GLRA3: variants seen among roughly 807,000 people sequenced by gnomAD.
The protein encoded by GLRA3 is glycine receptor alpha 3.
GLRA3 carries 44 observed loss-of-function variants against 60.4 expected under a neutral mutation model. That is an observed-to-expected ratio of 0.73 (90% CI 0.57 to 0.94). GLRA3 has a LOEUF of 0.94. GLRA3 is among the 40% of genes least tolerant of loss of function. The pLI, the probability that GLRA3 is intolerant of heterozygous loss-of-function variation, is 0.00. For synonymous variants in GLRA3, 223 were observed against 192.9 expected (o/e 1.16, Z -1.29); for missense variants, 508 against 564.6 (o/e 0.90, Z 1.02).
intron 3 of GLRA3, among the ~76,000 whole-genome samples, chr4:174,762,660 G>T (rs1297583800): frequency 6.6e-6 from 1 of 152,104 alleles, no homozygotes; most frequent in Non-Finnish European, 1.5e-5. Flanking sequence ...AAATAGATAT[G>T]CTCTGCCTGA....
In GLRA3 at chr4:174,788,841, A is replaced by G; in HGVS notation, c.174T>C (p.Asp58=). ...DKLMGRTSGY[D]ARIRPNFKGP... ...CTTTAAAATTGGGTCTGATTCTTGC[A>G]TCATATCCTGATGTCCTGCCCATTA... The change falls in exon 2 of 10, where the codon GAT becomes GAC. Residue 58 remains aspartate (D), a synonymous_variant. Transcript: ENST00000274093. 1 of 1,607,738 alleles carries G rather than the reference A, an allele frequency of 6.2e-7. No individual in the cohort carries two copies. The highest frequency in any genetic ancestry group is 2.2e-5 in the East Asian group (1 of 44,642).
intron 1 of GLRA3, among the ~76,000 whole-genome samples, chr4:174,801,759 G>T (rs1380586067): frequency 1.3e-5 from 2 of 151,876 alleles, no homozygotes; most frequent in Non-Finnish European, 2.9e-5. Flanking sequence ...CTTTCATTAT[G>T]ATCCAGATTT....
intron 1 of GLRA3, among the ~76,000 whole-genome samples, chr4:174,811,297 C>A (rs906560713): frequency 6.7e-6 from 1 of 150,276 alleles, no homozygotes; most frequent in Non-Finnish European, 1.5e-5. Flanking sequence ...CCAATAAAAT[C>A]AAAATTTGGA....
At chr4:174,722,927 C>T (rs1005442222) in intron 4 of GLRA3, 1 of 167,140 alleles carries the variant, frequency 6.0e-6, no homozygotes, top group African/African-American at 2.4e-5. Context: ...ATTGTGCAAG[C>T]CAGGATATAG....
intron 1 of GLRA3, among the ~76,000 whole-genome samples, chr4:174,804,413 C>T (rs1739949530): frequency 6.6e-6 from 1 of 152,026 alleles, no homozygotes; most frequent in Middle Eastern, 3.2e-3. Flanking sequence ...TCTTCATAGC[C>T]CCATTAAGAG....
At chr4:174,723,097 A>G (rs1267835682) in intron 4 of GLRA3, 1 of 166,926 alleles carries the variant, frequency 6.0e-6, no homozygotes, top group Non-Finnish European at 1.5e-5. Context: ...ACAAAATTCC[A>G]GTTTTATTCC....
At chr4:174,702,479 T>C (rs1237858625) in intron 5 of GLRA3, among the ~76,000 whole-genome samples, 1 of 152,152 alleles carries the variant, frequency 6.6e-6, no homozygotes, top group Non-Finnish European at 1.5e-5. Context: ...ATCCCTATAT[T>C]CAAATATATT....
chr4:174,687,407 T>C lies in GLRA3; in HGVS notation c.575-4468A>G, dbSNP rs1174334565. On this transcript the variant is annotated intron_variant, in intron 5 of 9. Coordinates refer to ENST00000274093, the MANE Select transcript of GLRA3 (RefSeq NM_006529.4). ...CTGCACAAAATACTCAGCTGCAGGC[T>C]GTAATATGATTCTTTCAAGGAAAAT... 2.0e-5 allele frequency among the ~76,000 whole-genome samples: 3 copies of C among 152,170 alleles called. No homozygotes were observed. In the South Asian group the frequency reaches 6.2e-4, roughly 31 times the overall value.
chr4:174,699,828 T>C (rs975239178), intron 5 of GLRA3, among the ~76,000 whole-genome samples: 6 of 150,376 alleles, frequency 4.0e-5, no homozygotes, highest in Non-Finnish European at 8.9e-5. Flanking sequence ...AATAATTTAT[T>C]TGTTAATTAT....
At chr4:174,797,733 ACCAGC>A (rs1739627370) in intron 1 of GLRA3, among the ~76,000 whole-genome samples, 1 of 152,024 alleles carries the variant, frequency 6.6e-6, no homozygotes, top group Non-Finnish European at 1.5e-5. Flanking sequence ...GGAGTTTGAG[ACCAGC>A]CTGAGCAACA....
chr4:174,701,263 A>T (rs1457423772), intron 5 of GLRA3, among the ~76,000 whole-genome samples: 1 of 152,162 alleles, frequency 6.6e-6, no homozygotes, highest in Non-Finnish European at 1.5e-5. Context: ...ATTATGCTAA[A>T]TCTACTCTGC....
chr4:174,648,812 C>G (rs1732929483), intron 9 of GLRA3, among the ~76,000 whole-genome samples: 1 of 152,104 alleles, frequency 6.6e-6, no homozygotes, highest in South Asian at 2.1e-4. Flanking sequence ...AGAGGTACAT[C>G]TATAAGCTCT....
intron 3 of GLRA3, among the ~76,000 whole-genome samples, chr4:174,755,664 A>C (rs1333323279): frequency 6.6e-6 from 1 of 152,108 alleles, no homozygotes; most frequent in Non-Finnish European, 1.5e-5. Context: ...TAAATATAGA[A>C]GTATAAGAGA....
intron 7 of GLRA3, among the ~76,000 whole-genome samples, chr4:174,676,553 A>T (rs1734124984): frequency 6.6e-6 from 1 of 152,086 alleles, no homozygotes; most frequent in Non-Finnish European, 1.5e-5. Context: ...CTATATATGG[A>T]TATATATGTG....
intron 7 of GLRA3, among the ~76,000 whole-genome samples, chr4:174,673,563 A>C (rs1003402520): frequency 6.6e-6 from 1 of 152,068 alleles, no homozygotes; most frequent in African/African-American, 2.4e-5. Context: ...ATGGGTAGGG[A>C]TAGCCCCGGG....
chr4:174,700,558 C>T (rs916831198), intron 5 of GLRA3, among the ~76,000 whole-genome samples: 5 of 152,114 alleles, frequency 3.3e-5, no homozygotes, highest in African/African-American at 9.7e-5. Context: ...ACACATCTCT[C>T]ACTTTAAATC....
intron 4 of GLRA3, among the ~76,000 whole-genome samples, chr4:174,717,153 AGTGAGCTAGG>A (rs1735953607): frequency 6.8e-6 from 1 of 147,578 alleles, no homozygotes; most frequent in Non-Finnish European, 1.5e-5. Context: ...TCGAGACTGC[AGTGAGCTAGG>A]CTCACACTGC....
At chr4:174,674,247 G>T (rs1316782710) in intron 7 of GLRA3, among the ~76,000 whole-genome samples, 1 of 152,090 alleles carries the variant, frequency 6.6e-6, no homozygotes, top group Non-Finnish European at 1.5e-5. Flanking sequence ...TAGGCCCCAT[G>T]ATCATTACCA....
At chr4:174,654,980 G>T (rs1005367073) in intron 9 of GLRA3, among the ~76,000 whole-genome samples, 1 of 152,084 alleles carries the variant, frequency 6.6e-6, no homozygotes, top group Admixed American at 6.6e-5. Flanking sequence ...TAAAAAAGCG[G>T]TATACAATAA....
Sources: gnomAD v4.1 joint callset for allele counts (sites outside exome capture counted in the v4.1 genomes callset) on GRCh38, gnomAD v4.1.1 for gene constraint, MANE v1.5 for transcripts, NCBI Gene and HGNC (gene_info 2026-07-23, HGNC 2026-07-21) for gene names.